The following ALG10 variants were observed in gnomAD, a reference collection of about 807,000 sequenced individuals.
The protein encoded by ALG10 is dol-P-Glc:Glc(2)Man(9)GlcNAc(2)-PP-Dol alpha-1,2-glucosyltransferase A.
A neutral mutation model predicts 39.2 loss-of-function variants in ALG10; 25 were observed. That is an observed-to-expected ratio of 0.64 (90% CI 0.46 to 0.89). ALG10 has a LOEUF of 0.89. Among genes scored for constraint, ALG10 ranks in the 40% least tolerant of loss-of-function variants. The pLI, the probability that ALG10 is intolerant of heterozygous loss-of-function variation, is 0.00. For synonymous variants in ALG10, 184 were observed against 193.9 expected, an observed-to-expected ratio of 0.95 and a Z score of 0.42; for missense variants, 486 against 546.6, an observed-to-expected ratio of 0.89 and a Z score of 1.11.
In ALG10 at chr12:34,027,030, A is replaced by G. The variant is rs1420298878; in HGVS notation, c.*115A>G. 4 of 1,126,554 alleles carry G rather than the reference A, an allele frequency of 3.6e-6. No individual in the cohort carries two copies. The highest frequency in any genetic ancestry group is 4.9e-6 in the Non-Finnish European group (4 of 810,616). The allele number at this position is 1,126,554 out of a possible 1,614,324, so 69.8% of individuals were successfully genotyped here. ...CTTTTAGGTGCAGTGGTGGTCTTCA[A>G]ATTACATTAGTTTTTTTTATATATA... On this transcript the variant is annotated 3_prime_UTR_variant, in exon 3 of 3. Coordinates refer to ENST00000266483, the MANE Select transcript of ALG10 (RefSeq NM_032834.4).
rs1942843107 is a variant in ALG10, at chr12:34,027,174, T to C, written c.*259T>C. 1 of 292,458 alleles carries C rather than the reference T, an allele frequency of 3.4e-6. No individual in the cohort carries two copies. The highest frequency in any genetic ancestry group is 6.2e-6 in the Non-Finnish European group (1 of 160,948). The allele number at this position is 292,458 out of a possible 1,614,324, so 18.1% of individuals were successfully genotyped here. ...CAGATATCTCATATCACTCTCATAA[T>C]GTTGGCCCCTTAAAAAGCTTGGGAA... On this transcript the variant is annotated 3_prime_UTR_variant, in exon 3 of 3. Transcript: ENST00000266483.
chr12:34,024,912 T>C (rs366873), intron 2 of ALG10, among the ~76,000 whole-genome samples: 43,067 of 151,960 alleles, frequency 0.28, 7,382 homozygotes, highest in African/African-American at 0.48. Context: ...ATGTGGCATT[T>C]GGTAAGTCCT....
upstream of ALG10, chr12:34,022,454 T>C (rs957837993): frequency 3.5e-5 from 46 of 1,320,954 alleles, no homozygotes; most frequent in Admixed American, 1.1e-4. Flanking sequence ...ATCCGCGCTC[T>C]CCCAGCATCC....
At chr12:34,023,090 C>T in intron 1 of ALG10, 1 of 307,584 alleles carries the variant, frequency 3.3e-6, no homozygotes, top group Non-Finnish European at 6.0e-6. Flanking sequence ...CATTCGGGTG[C>T]TCCTTGGAAA....
In ALG10 at chr12:34,025,885, T is replaced by C. The variant is rs767401586; in HGVS notation, c.392T>C (p.Val131Ala). Residue 131 changes from valine to alanine, a missense_variant, in exon 3 of 3, where the codon GTC becomes GCC. Val to Ala is a moderately conservative substitution (Grantham distance 64, BLOSUM62 0). Coordinates refer to ENST00000266483, the MANE Select transcript of ALG10 (RefSeq NM_032834.4). Reference protein sequence around the residue: ...RNKAASSIQRVLSTLTLAVFP... With the variant: ...RNKAASSIQRALSTLTLAVFP... ...AAGGCTGCCTCAAGTATCCAGAGAG[T>C]CTTGTCAACATTAACACTAGCAGTA... The C allele has an allele frequency of 6.2e-7, 1 of 1,613,854 alleles. No individual in the cohort carries two copies.
At position 34,023,943 on chromosome 12, in the gene ALG10, AT is replaced by A; in HGVS notation, c.172-15del. Reference sequence around the variant, plus strand: ...TCCTATTACCTCTTGCTTTTACTTCATTTTCTTTCATTTTAAAGTGGGATCC... The same window carrying A: ...TCCTATTACCTCTTGCTTTTACTTCATTTCTTTCATTTTAAAGTGGGATCC... On this transcript the variant is annotated intron_variant, in intron 1 of 2. Transcript: ENST00000266483. The A allele has an allele frequency of 1.2e-6, 2 of 1,613,432 alleles. No homozygotes were observed. Among genetic ancestry groups the A allele is most frequent in the Non-Finnish European group, 1.7e-6 (2 of 1,179,738 alleles).
At chr12:34,024,622 T>A (rs11053061) in intron 2 of ALG10, among the ~76,000 whole-genome samples, 31,851 of 152,156 alleles carry the variant, frequency 0.21, 3,633 homozygotes, top group African/African-American at 0.29. Flanking sequence ...AGGTTAACCC[T>A]TAGTGGCTCC....
At position 34,026,807 on chromosome 12, in the gene ALG10, T is replaced by C; in HGVS notation, c.1314T>C (p.Ile438=). 7 of 1,613,964 alleles carry C rather than the reference T, an allele frequency of 4.3e-6. No homozygotes were observed. Among genetic ancestry groups the C allele is most frequent in the Non-Finnish European group, 5.9e-6 (7 of 1,179,870 alleles). ...CTCTGCCTCCCACATCCAGACTCATTTGTGAACTGAGCTGCTATGCAGTTG... is the reference window on the plus strand; with the variant it reads ...CTCTGCCTCCCACATCCAGACTCATCTGTGAACTGAGCTGCTATGCAGTTG... The part of the protein sequence containing the change: ...NIPLPPTSRL[I]CELSCYAVVN... Residue 438 remains isoleucine (I), a synonymous_variant, in exon 3 of 3, where the codon ATT becomes ATC. Transcript: ENST00000266483.
Position 34,026,717 on chromosome 12 carries a change from TC to T in ALG10, c.1226del (p.Pro409LeufsTer33), listed in dbSNP as rs1163005584. ...TCATATGCTTGTTCACTGTTATAGT[TC>T]CTCAGAAACTGCTGGAATTTCGTTA... Reference protein sequence around the residue: ...FFICLFTVIVPQKLLEFRYFI... With the variant: ...FFICLFTVIVXQKLLEFRYFI... On this transcript the variant is annotated frameshift_variant, in exon 3 of 3. Transcript: ENST00000266483. LOFTEE classifies it high-confidence loss of function. The T allele has an allele frequency of 6.2e-7, 1 of 1,613,952 alleles. No homozygotes were observed. Among genetic ancestry groups the T allele is most frequent in the Non-Finnish European group, 8.5e-7 (1 of 1,179,892 alleles).
At chr12:34,022,792 C>T in intron 1 of ALG10, 22 bp downstream of exon 1, 1 of 1,614,080 alleles carries the variant, frequency 6.2e-7, no homozygotes, top group South Asian at 1.1e-5. Flanking sequence ...AACCTGTCCC[C>T]ACCCCAGGAG....
At position 34,024,017 on chromosome 12, in the gene ALG10, T is replaced by G. The variant is rs188425418; in HGVS notation, c.227T>G (p.Ile76Ser). ...PGLYLVSIGV[I>S]KPAIWIFGWS... ...TTGTACCTGGTGTCAATTGGAGTGA[T>G]CAAACCTGCCATTTGGATCTTTGGA... is the stretch of plus-strand genomic sequence containing the variant. The change falls in exon 2 of 3, where the codon ATC becomes AGC. Residue 76 changes from isoleucine (I) to serine (S), a missense_variant. By Grantham distance (142) the Ile-to-Ser change is moderately radical. Transcript: ENST00000266483. 514 of 1,614,182 alleles carry G rather than the reference T, an allele frequency of 3.2e-4. 1 individual carries two copies. The African/African-American group carries it at 6.1e-3, about 19-fold the overall frequency.
chr12:34,026,036 T>G lies in ALG10; in HGVS notation c.543T>G (p.Cys181Trp), dbSNP rs752156373. Residue 181 changes from cysteine (C) to tryptophan (W), a missense_variant, in exon 3 of 3, where the codon TGT becomes TGG. By Grantham distance (215) the Cys-to-Trp change is radical. Coordinates refer to ENST00000266483, the MANE Select transcript of ALG10 (RefSeq NM_032834.4). ...NHKTSAFLGF[C>W]GFMFRQTNII... Reference sequence around the variant, plus strand: ...AAACTTCAGCCTTCCTTGGATTTTGTGGCTTCATGTTTCGGCAAACAAATA... The same window carrying G: ...AAACTTCAGCCTTCCTTGGATTTTGGGGCTTCATGTTTCGGCAAACAAATA... The G allele has an allele frequency of 4.3e-5, 69 of 1,613,994 alleles. No individual in the cohort carries two copies. The highest frequency in any genetic ancestry group is 5.6e-5 in the Non-Finnish European group (66 of 1,179,976).
intron 1 of ALG10, 54 bp downstream of exon 1, chr12:34,022,824 C>T: frequency 1.9e-6 from 3 of 1,611,188 alleles, no homozygotes; most frequent in Admixed American, 3.3e-5. Context: ...GTCCCAGCGT[C>T]CCCACGTCCT....
chr12:34,023,369 G>A (rs1942799354), intron 1 of ALG10: 1 of 174,562 alleles, frequency 5.7e-6, no homozygotes, highest in Admixed American at 5.5e-5. Flanking sequence ...ACACAATATA[G>A]GGTACTGGCT....
At position 34,027,017 on chromosome 12, in the gene ALG10, G is replaced by T. The variant is rs1368594687; in HGVS notation, c.*102G>T. ...AAACATGGAATTTCTTTTAGGTGCA[G>T]TGGTGGTCTTCAAATTACATTAGTT... On this transcript the variant is annotated 3_prime_UTR_variant, in exon 3 of 3. Coordinates refer to ENST00000266483, the MANE Select transcript of ALG10 (RefSeq NM_032834.4). 7.9e-7 allele frequency: 1 copy of T among 1,273,154 alleles called. No homozygotes were observed. The highest frequency in any genetic ancestry group is 1.1e-6 in the Non-Finnish European group (1 of 929,276). The allele number at this position is 1,273,154 out of a possible 1,614,324, so 78.9% of individuals were successfully genotyped here.
chr12:34,023,009 G>A lies in ALG10; in HGVS notation c.171+239G>A, dbSNP rs73090016. The A allele has an allele frequency of 6.7e-3, 3,916 of 584,124 alleles. 94 individuals are homozygous for A. Among genetic ancestry groups the A allele is most frequent in the African/African-American group, 0.052 (2,793 of 53,432 alleles). The allele number at this position is 584,124 out of a possible 1,614,324, so 36.2% of individuals were successfully genotyped here. A position where few individuals can be genotyped will look rare whatever the true frequency, so the allele number is the denominator to read the frequency against. ...GTGATCTGGGAGAATACTCAACGGG[G>A]AACTGAGCCCTCCTCTTGGCAGCTG... is the stretch of plus-strand genomic sequence containing the variant. On this transcript the variant is annotated intron_variant, in intron 1 of 2. Transcript: ENST00000266483.
Position 34,026,303 on chromosome 12 carries a change from T to C in ALG10, c.810T>C (p.Val270=). ...TTCTGTTTTGTGCTTTTGTAGTAGTTAATGGTGGAATTGTTATTGGCGATC... is the reference window on the plus strand; with the variant it reads ...TTCTGTTTTGTGCTTTTGTAGTAGTCAATGGTGGAATTGTTATTGGCGATC... ...LGFLFCAFVV[V]NGGIVIGDRS... Residue 270 remains valine, a synonymous_variant, in exon 3 of 3, where the codon GTT becomes GTC. Coordinates refer to ENST00000266483, the MANE Select transcript of ALG10 (RefSeq NM_032834.4). The C allele has an allele frequency of 6.2e-7, 1 of 1,614,128 alleles. No individual in the cohort carries two copies. The highest frequency in any genetic ancestry group is 8.5e-7 in the Non-Finnish European group (1 of 1,179,974).
rs377509986 is a variant in ALG10 at position 34,026,145 on chromosome 12, G to A, written c.652G>A (p.Asp218Asn). 4.3e-6 allele frequency: 7 copies of A among 1,614,078 alleles called. No individual in the cohort carries two copies. In the South Asian group the frequency reaches 4.4e-5, roughly 10 times the overall value. Reference sequence around the variant, plus strand: ...GAAAACTGAGCTACAAAAGAAGGAAGACAGACTTCCACCTATTAAAGGACC... The same window carrying A: ...GAAAACTGAGCTACAAAAGAAGGAAAACAGACTTCCACCTATTAAAGGACC... ...AWKTELQKKE[D>N]RLPPIKGPFA... Residue 218 changes from aspartate to asparagine, a missense_variant, in exon 3 of 3, where the codon GAC becomes AAC. Coordinates refer to ENST00000266483, the MANE Select transcript of ALG10 (RefSeq NM_032834.4).
chr12:34,022,536 C>T lies in ALG10; in HGVS notation c.-64C>T. The T allele has an allele frequency of 5.0e-6, 8 of 1,613,256 alleles. No homozygotes were observed. Among genetic ancestry groups the T allele is most frequent in the Non-Finnish European group, 6.8e-6 (8 of 1,179,610 alleles). On this transcript the variant is annotated 5_prime_UTR_variant, in exon 1 of 3. Transcript: ENST00000266483. The stretch of plus-strand genomic sequence containing the variant: ...GCCCATTTCGAGCCCAAGTTTCCAG[C>T]TCGGGTTTCCAGGCTCAGAATTTTC...
Sources: allele counts gnomAD v4.1 joint callset (sites outside exome capture counted in the v4.1 genomes callset), GRCh38; gene constraint gnomAD v4.1.1; transcripts MANE v1.5; gene names NCBI Gene and HGNC (gene_info 2026-07-23, HGNC 2026-07-21).